Variants in FREM1 observed in about 807,000 individuals in gnomAD.
FREM1 encodes FRAS1-related extracellular matrix protein 1.
A neutral mutation model predicts 210.1 loss-of-function variants in FREM1; 220 were observed. The ratio of observed to expected loss-of-function variants is 1.05; its 90% confidence interval spans 0.94 to 1.17. The LOEUF is 1.17. Among genes scored for constraint, FREM1 ranks in the 50% most tolerant of loss-of-function variants. FREM1 has a pLI of 0.00. For synonymous variants in FREM1, 1,189 were observed against 980.2 expected (o/e 1.21, Z -3.98); for missense variants, 3,454 against 2,675.5 (o/e 1.29, Z -6.42).
intron 16 of FREM1, 109 bp from the exon 17 acceptor site, chr9:14,808,243 T>C (rs1818734537): frequency 3.1e-6 from 2 of 642,706 alleles, no homozygotes; most frequent in Non-Finnish European, 5.0e-6. Context: ...GGAAAAGAAG[T>C]TATGTGGATA....
chr9:14,824,132 A>C lies in FREM1; in HGVS notation c.2079-17T>G. 6.7e-7 allele frequency: 1 copy of C among 1,483,192 alleles called. No homozygotes were observed. Among genetic ancestry groups the C allele is most frequent in the Non-Finnish European group, 9.3e-7 (1 of 1,079,410 alleles). The allele number at this position is 1,483,192 out of a possible 1,614,324, so 91.9% of individuals were successfully genotyped here. On this transcript the variant is annotated splice_polypyrimidine_tract_variant and intron_variant, in intron 11 of 36. Coordinates refer to ENST00000380880, the MANE Select transcript of FREM1 (RefSeq NM_001379081.2). ...TCCAAGTGTCTAAAGAGAAATACAG[A>C]GGAGCACATCAGCTCATTTTTAGGT...
At chr9:14,750,686 C>G (rs1461330216) in intron 29 of FREM1, among the ~76,000 whole-genome samples, 2 of 152,176 alleles carry the variant, frequency 1.3e-5, no homozygotes, top group Non-Finnish European at 2.9e-5. Flanking sequence ...TTGGATGGTA[C>G]TTCATGCTAT....
At chr9:14,904,917 A>G (rs1817428156) in intron 1 of FREM1, among the ~76,000 whole-genome samples, 2 of 152,150 alleles carry the variant, frequency 1.3e-5, no homozygotes, top group South Asian at 4.2e-4. Context: ...ATTCTGTTCC[A>G]TCTGCCATGA....
chr9:14,751,078 T>C (rs917401472), intron 29 of FREM1, among the ~76,000 whole-genome samples: 2 of 152,152 alleles, frequency 1.3e-5, no homozygotes, highest in African/African-American at 4.8e-5. Context: ...TCTGAGATGA[T>C]CTCATCCTGA....
chr9:14,892,249 C>A (rs1425718588), intron 1 of FREM1, among the ~76,000 whole-genome samples: 2 of 152,128 alleles, frequency 1.3e-5, no homozygotes, highest in Admixed American at 1.3e-4. Flanking sequence ...ATTCTGCAAA[C>A]CCCAAAGGGA....
chr9:14,866,312 G>C (rs1251152134), intron 2 of FREM1, among the ~76,000 whole-genome samples: 1 of 152,094 alleles, frequency 6.6e-6, no homozygotes, highest in Non-Finnish European at 1.5e-5. Flanking sequence ...TAGTCACTTG[G>C]ATCCCTTTTT....
At chr9:14,860,530 T>C (rs1829616281) in intron 3 of FREM1, among the ~76,000 whole-genome samples, 1 of 117,228 alleles carries the variant, frequency 8.5e-6, no homozygotes, top group Admixed American at 8.5e-5. Context: ...ACGTAGTAGG[T>C]ATGTATATAT....
At chr9:14,825,606 A>C (rs984719537) in intron 10 of FREM1, among the ~76,000 whole-genome samples, 7 of 146,836 alleles carry the variant, frequency 4.8e-5, no homozygotes, top group Non-Finnish European at 8.9e-5. Context: ...TGAGTGCTAC[A>C]GAATGGGCAC....
rs143432352 is a variant in FREM1 at position 14,791,638 on chromosome 9, G to A, written c.3981+1105C>T. Among the ~76,000 whole-genome samples the A allele has an allele frequency of 7.2e-5, 11 of 152,268 alleles. No homozygotes were observed. The East Asian group carries it at 2.1e-3, about 29-fold the overall frequency. On this transcript the variant is annotated intron_variant, in intron 22 of 36. Transcript: ENST00000380880. ...AAGACACTGAACTTTCGTCTTTTAA[G>A]TTCATGTCAGATAGAATACAGAACA... is the stretch of plus-strand genomic sequence containing the variant.
intron 5 of FREM1, 76 bp downstream of exon 5, chr9:14,857,477 G>T: frequency 1.6e-6 from 2 of 1,236,322 alleles, no homozygotes; most frequent in Non-Finnish European, 2.4e-6. Context: ...GCATGGGGGC[G>T]AGCATGAGTA....
intron 3 of FREM1, among the ~76,000 whole-genome samples, chr9:14,860,549 A>G (rs1156893702): frequency 2.0e-4 from 25 of 123,998 alleles, no homozygotes; most frequent in African/African-American, 7.6e-4. Context: ...ATATACACAT[A>G]TATATACACA....
intron 30 of FREM1, 99 bp from the exon 31 acceptor site, chr9:14,748,738 G>C: frequency 1.3e-6 from 1 of 770,524 alleles, no homozygotes; most frequent in East Asian, 2.5e-5. Context: ...ATTAAACCTA[G>C]ATGGATGGTT....
intron 10 of FREM1, among the ~76,000 whole-genome samples, chr9:14,828,130 C>T (rs950496824): frequency 5.3e-5 from 8 of 152,290 alleles, no homozygotes; most frequent in South Asian, 2.1e-4. Flanking sequence ...CAATGTGCAA[C>T]GCCATCCAGG....
intron 10 of FREM1, among the ~76,000 whole-genome samples, chr9:14,825,453 A>C (rs1822166917): frequency 6.9e-6 from 1 of 144,712 alleles, no homozygotes. Flanking sequence ...ACGCCATTGC[A>C]CTCCAGCCTG....
At chr9:14,802,840 G>T (rs1171600112) in intron 19 of FREM1, among the ~76,000 whole-genome samples, 1 of 152,140 alleles carries the variant, frequency 6.6e-6, no homozygotes, top group Non-Finnish European at 1.5e-5. Context: ...ATAACTCAAG[G>T]AAGAAAATGT....
At chr9:14,871,088 T>C (rs1832584685) in intron 1 of FREM1, among the ~76,000 whole-genome samples, 1 of 152,164 alleles carries the variant, frequency 6.6e-6, no homozygotes, top group Non-Finnish European at 1.5e-5. Flanking sequence ...AAGTCTTTGC[T>C]ATTGTGAATG....
At chr9:14,742,609 C>T (rs1841771628) in intron 35 of FREM1, among the ~76,000 whole-genome samples, 1 of 151,978 alleles carries the variant, frequency 6.6e-6, no homozygotes, top group South Asian at 2.1e-4. Flanking sequence ...TGTGAATGAC[C>T]CTCTGTAAAG....
At chr9:14,803,751 C>T (rs1169448254) in intron 19 of FREM1, among the ~76,000 whole-genome samples, 3 of 151,920 alleles carry the variant, frequency 2.0e-5, no homozygotes, top group Admixed American at 1.3e-4. Flanking sequence ...CATGTGTTAA[C>T]AAAAAAACAC....
At chr9:14,763,646 T>C (rs949556832) in intron 27 of FREM1, among the ~76,000 whole-genome samples, 15 of 152,234 alleles carry the variant, frequency 9.9e-5, no homozygotes, top group African/African-American at 3.6e-4. Context: ...TCACCAGCTC[T>C]AAGCAGTCAG....
Sources: allele counts gnomAD v4.1 joint callset (sites outside exome capture counted in the v4.1 genomes callset), GRCh38; gene constraint gnomAD v4.1.1; transcripts MANE v1.5; gene names NCBI Gene and HGNC (gene_info 2026-07-23, HGNC 2026-07-21).